CCDC69: variants seen among roughly 807,000 people sequenced by gnomAD.
CCDC69 encodes the protein coiled-coil domain containing 69.
In CCDC69, 38 loss-of-function variants were observed where a neutral mutation model predicts 40.3. The ratio of observed to expected loss-of-function variants is 0.94; its 90% confidence interval spans 0.73 to 1.24. CCDC69 has a LOEUF of 1.24. Ranked by LOEUF, CCDC69 falls within the 50% of genes most tolerant of loss-of-function variation. The pLI is 0.00. For synonymous variants in CCDC69, 141 were observed against 138.9 expected, an observed-to-expected ratio of 1.02 and a Z score of -0.11; for missense variants, 389 against 357.9, an observed-to-expected ratio of 1.09 and a Z score of -0.70.
intron 5 of CCDC69, 64 bp from the exon 6 acceptor site, chr5:151,186,188 G>A (rs759470671): frequency 1.5e-4 from 171 of 1,118,626 alleles, no homozygotes; most frequent in Middle Eastern, 7.8e-4. Flanking sequence ...GGTGAACTTC[G>A]CCACATCCCA....
At chr5:151,218,233 G>A (rs535170349) in intron 1 of CCDC69, among the ~76,000 whole-genome samples, 2 of 152,348 alleles carry the variant, frequency 1.3e-5, no homozygotes, top group East Asian at 3.9e-4. Context: ...GTTTAGATCT[G>A]CTAAAGATGG....
intron 1 of CCDC69, among the ~76,000 whole-genome samples, chr5:151,223,702 C>T (rs1459127225): frequency 2.0e-5 from 3 of 152,172 alleles, no homozygotes; most frequent in Non-Finnish European, 2.9e-5. Flanking sequence ...TTCCCTGGCC[C>T]GGGTGCCGTG....
rs187228049 is a variant in CCDC69 at position 151,192,838 on chromosome 5, G to C, written c.320-5379C>G. On this transcript the variant is annotated intron_variant, in intron 4 of 8. Coordinates refer to ENST00000355417, the MANE Select transcript of CCDC69 (RefSeq NM_015621.3). The stretch of plus-strand genomic sequence containing the variant: ...GTGGAGCTTATGCCAGGAATGCAAG[G>C]CTAGTTCAATGCAGTCAGCCTTCTG... Among the ~76,000 whole-genome samples, 509 of 152,222 alleles carry C rather than the reference G, an allele frequency of 3.3e-3. 2 individuals are homozygous for C. Among genetic ancestry groups the C allele is most frequent in the African/African-American group, 0.011 (438 of 41,524 alleles).
intron 4 of CCDC69, among the ~76,000 whole-genome samples, chr5:151,194,242 C>G (rs924733181): frequency 6.6e-6 from 1 of 152,196 alleles, no homozygotes; most frequent in Admixed American, 6.5e-5. Flanking sequence ...CCACACAAAG[C>G]CTGCACATGA....
chr5:151,187,472 G>A lies in CCDC69; in HGVS notation c.320-13C>T, dbSNP rs762794491. 1.4e-5 allele frequency: 22 copies of A among 1,608,738 alleles called. No homozygotes were observed. In the Admixed American group the frequency reaches 1.8e-4, roughly 13 times the overall value. On this transcript the variant is annotated splice_polypyrimidine_tract_variant and intron_variant, in intron 4 of 8. Transcript: ENST00000355417. ...GAGGCCCGGAGGACTGTAGGGAAAG[G>A]AGAACTCCATAAGCTCAAGACACTT...
At chr5:151,204,737 A>T (rs1333823130) in intron 2 of CCDC69, among the ~76,000 whole-genome samples, 1 of 152,184 alleles carries the variant, frequency 6.6e-6, no homozygotes, top group Non-Finnish European at 1.5e-5. Flanking sequence ...AACAAATATT[A>T]TTTCATTGTA....
chr5:151,199,874 A>G (rs1752753056), intron 3 of CCDC69, among the ~76,000 whole-genome samples: 1 of 152,180 alleles, frequency 6.6e-6, no homozygotes, highest in African/African-American at 2.4e-5. Flanking sequence ...TACCTTTCAT[A>G]AAAGGTGTGT....
chr5:151,211,511 G>GC (rs1752949304), intron 1 of CCDC69, among the ~76,000 whole-genome samples: 1 of 145,692 alleles, frequency 6.9e-6, no homozygotes, highest in South Asian at 2.1e-4. Context: ...CTGGGAATTT[G>GC]CATCTGCTTT....
At chr5:151,214,900 C>T (rs754800726) in intron 1 of CCDC69, among the ~76,000 whole-genome samples, 48 of 152,178 alleles carry the variant, frequency 3.2e-4, no homozygotes, top group Admixed American at 2.6e-3. Context: ...ACTTCACAGA[C>T]GATGACACTG....
intron 1 of CCDC69, among the ~76,000 whole-genome samples, chr5:151,220,309 A>G (rs1753115823): frequency 6.6e-6 from 1 of 152,190 alleles, no homozygotes; most frequent in African/African-American, 2.4e-5. Context: ...GAACAACCCT[A>G]TGGCACAGGA....
chr5:151,216,783 C>G (rs1412267523), intron 1 of CCDC69, among the ~76,000 whole-genome samples: 1 of 152,096 alleles, frequency 6.6e-6, no homozygotes, highest in Non-Finnish European at 1.5e-5. Context: ...TTAACAACAA[C>G]AAGAAAAAGG....
At chr5:151,192,459 T>A (rs76595890) in intron 4 of CCDC69, among the ~76,000 whole-genome samples, 345 of 137,754 alleles carry the variant, frequency 2.5e-3, no homozygotes, top group Non-Finnish European at 3.6e-3. Context: ...AAAAAAAAAA[T>A]GACCAAAACT....
At chr5:151,212,740 T>A (rs1482439745) in intron 1 of CCDC69, 4 of 455,680 alleles carry the variant, frequency 8.8e-6, no homozygotes, top group African/African-American at 4.0e-5. Flanking sequence ...GAAGACCTGA[T>A]ATTGTCTTCA....
In CCDC69 at chr5:151,182,758, G is replaced by C; in HGVS notation, c.*679C>G. ...GAGGAGCTCTGGCTACTGTCCCTTGGTGGACACGACTCTGGCCCAGGAATG... is the reference window on the plus strand; with the variant it reads ...GAGGAGCTCTGGCTACTGTCCCTTGCTGGACACGACTCTGGCCCAGGAATG... On this transcript the variant is annotated 3_prime_UTR_variant, in exon 9 of 9. Coordinates refer to ENST00000355417, the MANE Select transcript of CCDC69 (RefSeq NM_015621.3). 1 of 321,960 alleles carries C rather than the reference G, an allele frequency of 3.1e-6. No individual in the cohort carries two copies. The highest frequency in any genetic ancestry group is 6.2e-6 in the Non-Finnish European group (1 of 162,380). 19.9% of individuals were successfully genotyped at this position (321,960 alleles called of 1,614,324 possible). A position where few individuals can be genotyped will look rare whatever the true frequency, so the allele number is the denominator to read the frequency against.
chr5:151,197,997 T>A (rs1752723679), intron 4 of CCDC69, among the ~76,000 whole-genome samples: 1 of 152,192 alleles, frequency 6.6e-6, no homozygotes, highest in African/African-American at 2.4e-5. Flanking sequence ...TAGATGTATA[T>A]TCTATGTATA....
chr5:151,198,213 C>T (rs1370157755), intron 4 of CCDC69, among the ~76,000 whole-genome samples: 1 of 152,096 alleles, frequency 6.6e-6, no homozygotes, highest in Non-Finnish European at 1.5e-5. Flanking sequence ...GGTAAAGTAA[C>T]TTCTTCAAGG....
chr5:151,186,765 G>A lies in CCDC69; in HGVS notation c.393+621C>T, dbSNP rs367742638. 1.0e-3 allele frequency among the ~76,000 whole-genome samples: 156 copies of A among 152,132 alleles called. 1 individual carries two copies. In the South Asian group the frequency reaches 0.031, roughly 30 times the overall value. On this transcript the variant is annotated intron_variant, in intron 5 of 8. Coordinates refer to ENST00000355417, the MANE Select transcript of CCDC69 (RefSeq NM_015621.3). ...CTCTACTTGAACCGTGACCACTACC[G>A]TTAGGCTAGAGCACAACCCCTTAAG...
At chr5:151,202,190 TA>T (rs5872193) in intron 2 of CCDC69, among the ~76,000 whole-genome samples, 40,622 of 105,740 alleles carry the variant, frequency 0.38, 7,291 homozygotes, top group Non-Finnish European at 0.43. Flanking sequence ...ACCCTATCTC[TA>T]AAAAAAAAAA....
chr5:151,210,641 G>C (rs757852969), intron 1 of CCDC69: 3 of 151,974 alleles, frequency 2.0e-5, no homozygotes, highest in Non-Finnish European at 2.9e-5. Context: ...TGGAAGGTTC[G>C]ACCAATTTAC....
Sources: gnomAD v4.1 joint callset for allele counts (sites outside exome capture counted in the v4.1 genomes callset) on GRCh38, gnomAD v4.1.1 for gene constraint, MANE v1.5 for transcripts, NCBI Gene and HGNC (gene_info 2026-07-23, HGNC 2026-07-21) for gene names.